Variants in SEC22A observed in about 807,000 individuals in gnomAD.
SEC22A encodes the protein vesicle-trafficking protein SEC22a.
In SEC22A, 22 loss-of-function variants were observed where a neutral mutation model predicts 35.3. The ratio of observed to expected loss-of-function variants is 0.62; its 90% CI spans 0.45 to 0.89. The LOEUF (loss-of-function observed/expected upper bound fraction) is 0.89, where lower values mean the gene tolerates loss of function less well. Ranked by LOEUF, SEC22A falls within the 40% of genes least tolerant of loss-of-function variation. The pLI, the probability that SEC22A is intolerant of heterozygous loss-of-function variation, is 0.00. For missense variants in SEC22A, 354 were observed against 362.5 expected, an observed-to-expected ratio of 0.98 and a Z score of 0.19; for synonymous variants, 119 against 129.5, an observed-to-expected ratio of 0.92 and a Z score of 0.55.
Position 123,272,851 on chromosome 3 carries a change from A to C in SEC22A, c.*1129A>C, listed in dbSNP as rs1938203430. 6.5e-6 allele frequency: 1 copy of C among 153,814 alleles called. No homozygotes were observed. Among genetic ancestry groups the C allele is most frequent in the African/African-American group, 2.4e-5 (1 of 41,474 alleles). The allele number at this position is 153,814 out of a possible 1,614,324, so 9.5% of individuals were successfully genotyped here. On this transcript the variant is annotated 3_prime_UTR_variant, in exon 7 of 7. Transcript: ENST00000492595. ...CCGCACTATGGAAATGCTTGACTGTAGTAAGAATCAGAAGGTGGCTTTCCT... is the reference window on the plus strand; with the variant it reads ...CCGCACTATGGAAATGCTTGACTGTCGTAAGAATCAGAAGGTGGCTTTCCT...
intron 4 of SEC22A, among the ~76,000 whole-genome samples, chr3:123,241,336 G>C (rs1212153357): frequency 6.6e-6 from 1 of 152,118 alleles, no homozygotes; most frequent in Non-Finnish European, 1.5e-5. Flanking sequence ...GTGCCAGACT[G>C]TTAGTCTCAT....
At chr3:123,229,255 C>T (rs1937269954) in intron 4 of SEC22A, among the ~76,000 whole-genome samples, 1 of 152,126 alleles carries the variant, frequency 6.6e-6, no homozygotes, top group Non-Finnish European at 1.5e-5. Flanking sequence ...GAACTTGTCA[C>T]TTACATGAGT....
rs763566783 is a variant in SEC22A, at chr3:123,271,708, G to C, written c.910G>C (p.Asp304His). 1.2e-6 allele frequency: 2 copies of C among 1,613,810 alleles called. No individual in the cohort carries two copies. The highest frequency in any genetic ancestry group is 2.7e-5 in the African/African-American group (2 of 74,916). The change falls in exon 7 of 7, where the codon GAT (aspartate) becomes CAT (histidine). Residue 304 changes from aspartate to histidine, a missense_variant. Coordinates refer to ENST00000492595, the MANE Select transcript of SEC22A (RefSeq NM_012430.5). ...WLRQAQGKAPDYDV is the reference protein window; with the variant it reads ...WLRQAQGKAPHYDV ...AAGGCAAGCCCAGGGCAAGGCTCCC[G>C]ATTATGATGTCTGACACCATCCTTC...
At chr3:123,255,408 A>G (rs984361364) in intron 5 of SEC22A, among the ~76,000 whole-genome samples, 4 of 152,030 alleles carry the variant, frequency 2.6e-5, no homozygotes, top group Non-Finnish European at 5.9e-5. Flanking sequence ...TTCCAACTCC[A>G]TGCCCTCTTC....
chr3:123,273,316 TA>T lies in SEC22A; in HGVS notation c.*1598del, dbSNP rs1193070843. On this transcript the variant is annotated 3_prime_UTR_variant, in exon 7 of 7. Coordinates refer to ENST00000492595, the MANE Select transcript of SEC22A (RefSeq NM_012430.5). ...GCACCCTCCTTTTAGGAGAATGAGG[TA>T]AAAGGAAGACAATAAGCTTATGATA... The T allele has an allele frequency of 6.6e-6, 1 of 152,120 alleles. No homozygotes were observed. Among genetic ancestry groups the T allele is most frequent in the Non-Finnish European group, 1.5e-5 (1 of 68,034 alleles). 9.4% of individuals were successfully genotyped at this position (152,120 alleles called of 1,614,324 possible).
intron 4 of SEC22A, among the ~76,000 whole-genome samples, chr3:123,229,690 C>G (rs549888324): frequency 1.3e-5 from 2 of 151,876 alleles, no homozygotes; most frequent in African/African-American, 4.8e-5. Context: ...GGTGAAACCC[C>G]GTCTCTACCT....
chr3:123,262,099 AT>A (rs1186849914), intron 6 of SEC22A, among the ~76,000 whole-genome samples: 1 of 152,232 alleles, frequency 6.6e-6, no homozygotes, highest in Non-Finnish European at 1.5e-5. Context: ...TTAAGTAATT[AT>A]GTTTTACCAT....
intron 4 of SEC22A, among the ~76,000 whole-genome samples, chr3:123,226,343 C>T (rs546458466): frequency 2.6e-5 from 4 of 152,320 alleles, no homozygotes; most frequent in Non-Finnish European, 4.4e-5. Context: ...TCTTCCACGT[C>T]ATCACCAGCA....
chr3:123,245,387 A>G (rs922140058), intron 4 of SEC22A, among the ~76,000 whole-genome samples: 2 of 152,214 alleles, frequency 1.3e-5, no homozygotes, highest in Admixed American at 6.5e-5. Flanking sequence ...TGCAAGTTAC[A>G]TGTCTTTGTT....
At chr3:123,262,545 A>G (rs1032157444) in intron 6 of SEC22A, among the ~76,000 whole-genome samples, 1 of 152,222 alleles carries the variant, frequency 6.6e-6, no homozygotes, top group Non-Finnish European at 1.5e-5. Flanking sequence ...AGGTACTCAC[A>G]TGACCATTCT....
chr3:123,214,585 C>A (rs1936990578), intron 2 of SEC22A, among the ~76,000 whole-genome samples: 1 of 152,032 alleles, frequency 6.6e-6, no homozygotes, highest in Admixed American at 6.6e-5. Flanking sequence ...GGGTACTTTC[C>A]TTAGACTGTA....
intron 6 of SEC22A, among the ~76,000 whole-genome samples, chr3:123,268,431 T>C (rs1373829029): frequency 6.6e-6 from 1 of 152,202 alleles, no homozygotes; most frequent in Non-Finnish European, 1.5e-5. Context: ...CAAGATTCTT[T>C]ATTTGTCTGC....
chr3:123,210,060 T>C (rs1420655508), intron 2 of SEC22A, among the ~76,000 whole-genome samples: 1 of 152,006 alleles, frequency 6.6e-6, no homozygotes, highest in East Asian at 1.9e-4. Context: ...AAGGTAGGAA[T>C]GGGGCAAGTT....
At chr3:123,260,708 TA>T (rs1937872492) in intron 6 of SEC22A, among the ~76,000 whole-genome samples, 1 of 152,212 alleles carries the variant, frequency 6.6e-6, no homozygotes, top group Admixed American at 6.5e-5. Context: ...ACTGCAAATA[TA>T]AGACTACCTA....
rs570404413 is a variant in SEC22A at position 123,228,340 on chromosome 3, G to A, written c.541+3043G>A. On this transcript the variant is annotated intron_variant, in intron 4 of 6. Coordinates refer to ENST00000492595, the MANE Select transcript of SEC22A (RefSeq NM_012430.5). ...CAGCATTTGGGAGGCCAAGGCGGGC[G>A]GATCTCCTGGGGTTGGGAGTTCACG... Among the ~76,000 whole-genome samples the A allele has an allele frequency of 9.3e-5, 14 of 150,960 alleles. No individual in the cohort carries two copies. The East Asian group carries it at 1.8e-3, about 19-fold the overall frequency.
At chr3:123,222,709 C>G (rs1195441588) in intron 2 of SEC22A, among the ~76,000 whole-genome samples, 1 of 152,096 alleles carries the variant, frequency 6.6e-6, no homozygotes, top group African/African-American at 2.4e-5. Flanking sequence ...ACACAATGTC[C>G]ATCTAACATG....
intron 5 of SEC22A, among the ~76,000 whole-genome samples, chr3:123,258,129 T>C (rs1937783595): frequency 6.6e-6 from 1 of 152,186 alleles, no homozygotes; most frequent in South Asian, 2.1e-4. Flanking sequence ...TTAAAGGTTA[T>C]ATAATCATTA....
Position 123,209,285 on chromosome 3 carries a change from A to G in SEC22A, c.68A>G (p.Asp23Gly). 2 of 1,614,074 alleles carry G rather than the reference A, an allele frequency of 1.2e-6. No homozygotes were observed. The highest frequency in any genetic ancestry group is 1.7e-6 in the Non-Finnish European group (2 of 1,179,974). Residue 23 changes from aspartate to glycine, a missense_variant, in exon 2 of 7, where the codon GAT becomes GGT. By Grantham distance (94) the Asp-to-Gly change is moderately conservative. Coordinates refer to ENST00000492595, the MANE Select transcript of SEC22A (RefSeq NM_012430.5). The part of the protein sequence containing the change: ...RDGLPLSAST[D>G]YEQSTGMQEC... The stretch of plus-strand genomic sequence containing the variant: ...GGACTGCCACTTTCTGCTTCTACTG[A>G]TTATGAACAAAGCACAGGAATGCAG...
intron 5 of SEC22A, among the ~76,000 whole-genome samples, chr3:123,256,916 C>T (rs893091236): frequency 3.3e-5 from 5 of 151,854 alleles, no homozygotes; most frequent in African/African-American, 4.8e-5. Flanking sequence ...CCCGCCACCA[C>T]GCCCGGCTAA....
Sources: gnomAD v4.1 joint callset for allele counts (sites outside exome capture counted in the v4.1 genomes callset) on GRCh38, gnomAD v4.1.1 for gene constraint, MANE v1.5 for transcripts, NCBI Gene and HGNC (gene_info 2026-07-23, HGNC 2026-07-21) for gene names.